The following DMD variants were observed in gnomAD, a reference collection of about 807,000 sequenced individuals.
The protein encoded by DMD is mutant dystrophin.
DMD carries 63 observed loss-of-function variants against 330.1 expected under a neutral mutation model. That is an observed-to-expected ratio of 0.19 (90% CI 0.16 to 0.24). The LOEUF (loss-of-function observed/expected upper bound fraction) is 0.24. Ranked by LOEUF, DMD falls within the 10% of genes least tolerant of loss-of-function variation. The pLI is 1.00. For missense variants in DMD, 3,344 were observed against 2,684.1 expected, an observed-to-expected ratio of 1.25 and a Z score of -5.43; for synonymous variants, 1,223 against 959.8, an observed-to-expected ratio of 1.27 and a Z score of -5.07.
At chrX:32,393,346 T>C (rs1006114539) in intron 30 of DMD, among the ~76,000 whole-genome samples, 2 of 111,240 alleles carry the variant, frequency 1.8e-5, no homozygotes, top group Non-Finnish European at 3.8e-5. Context: ...ATAAGGAGTT[T>C]GGCAAAATTT....
At chrX:32,637,410 A>G (rs778699448) in intron 11 of DMD, among the ~76,000 whole-genome samples, 3 of 112,040 alleles carry the variant, frequency 2.7e-5, no homozygotes, top group Non-Finnish European at 5.6e-5. Context: ...GTCAACTTCT[A>G]TTAAATCTGC....
At chrX:31,715,320 G>A (rs964556218) in intron 52 of DMD, among the ~76,000 whole-genome samples, 7 of 107,345 alleles carry the variant, frequency 6.5e-5, no homozygotes, top group South Asian at 4.2e-4. Context: ...CGAGACGGGC[G>A]GATCACGAGG....
chrX:32,100,304 A>G (rs1176664134), intron 44 of DMD, among the ~76,000 whole-genome samples: 1 of 109,061 alleles, frequency 9.2e-6, no homozygotes, highest in African/African-American at 3.3e-5. Flanking sequence ...AAAAGCTTTC[A>G]GATAGCCTAC....
intron 44 of DMD, among the ~76,000 whole-genome samples, chrX:32,165,164 G>T (rs2096863717): frequency 8.9e-6 from 1 of 112,322 alleles, no homozygotes; most frequent in Non-Finnish European, 1.9e-5. Flanking sequence ...GCTATGAGAA[G>T]AGGGCCACTG....
chrX:32,922,284 G>T (rs1371263882), intron 2 of DMD, among the ~76,000 whole-genome samples: 2 of 109,732 alleles, frequency 1.8e-5, no homozygotes, highest in African/African-American at 6.7e-5. Flanking sequence ...AAAAACAATT[G>T]TATTCTCAAA....
intron 67 of DMD, among the ~76,000 whole-genome samples, chrX:31,196,632 G>T (rs1212935766): frequency 9.2e-6 from 1 of 108,609 alleles, no homozygotes; most frequent in Non-Finnish European, 1.9e-5. Context: ...AGACCATCCT[G>T]GCCAACATGG....
At chrX:33,084,601 T>C (rs779723359) in intron 1 of DMD, among the ~76,000 whole-genome samples, 25 of 111,202 alleles carry the variant, frequency 2.2e-4, no homozygotes, top group Non-Finnish European at 4.5e-4. Context: ...AGTTTATTGA[T>C]ATGGGTAGTG....
At chrX:31,373,396 A>G (rs1368724570) in intron 60 of DMD, among the ~76,000 whole-genome samples, 1 of 95,191 alleles carries the variant, frequency 1.1e-5, no homozygotes, top group Non-Finnish European at 2.2e-5. Context: ...AGCTGGAGGC[A>G]TCACGCTACC....
chrX:32,465,985 T>A (rs946540940), intron 23 of DMD, among the ~76,000 whole-genome samples: 1 of 111,232 alleles, frequency 9.0e-6, no homozygotes, highest in African/African-American at 3.3e-5. Context: ...ATGCCAGTAA[T>A]CTCCTCTCCT....
intron 6 of DMD, among the ~76,000 whole-genome samples, chrX:32,809,934 AAAAAAAAAAAAAGAAAG>A (rs1315347869): frequency 3.1e-5 from 3 of 95,349 alleles, no homozygotes; most frequent in African/African-American, 1.2e-4. Flanking sequence ...AAAAAAAAAA[AAAAAAAAAAAAAGAAAG>A]AAAGAAAGAA....
At chrX:31,857,788 C>T (rs1331011615) in intron 48 of DMD, among the ~76,000 whole-genome samples, 2 of 109,162 alleles carry the variant, frequency 1.8e-5, no homozygotes, top group Non-Finnish European at 3.8e-5. Context: ...CAGATATATA[C>T]AGAGAAGTGT....
intron 60 of DMD, among the ~76,000 whole-genome samples, chrX:31,386,612 C>T (rs1009521807): frequency 8.9e-6 from 1 of 112,171 alleles, no homozygotes; most frequent in African/African-American, 3.2e-5. Context: ...TCTAATCCAT[C>T]TCTGTGTTTC....
At chrX:31,585,674 T>C (rs768980261) in intron 55 of DMD, among the ~76,000 whole-genome samples, 1 of 111,019 alleles carries the variant, frequency 9.0e-6, no homozygotes, top group African/African-American at 3.3e-5. Context: ...AAAATAAGTC[T>C]TTAGGCCTCA....
intron 16 of DMD, among the ~76,000 whole-genome samples, chrX:32,564,341 C>T (rs1165066717): frequency 9.0e-6 from 1 of 111,627 alleles, no homozygotes; most frequent in African/African-American, 3.3e-5. Context: ...TTTCTTAACA[C>T]GGCAACTGAC....
chrX:32,529,558 C>T (rs1404140243), intron 17 of DMD, among the ~76,000 whole-genome samples: 1 of 108,453 alleles, frequency 9.2e-6, no homozygotes, highest in Non-Finnish European at 1.9e-5. Context: ...TCTAAATTAA[C>T]TGAGACCTGT....
chrX:33,191,725 G>A (rs2050661863), intron 1 of DMD, among the ~76,000 whole-genome samples: 1 of 112,048 alleles, frequency 8.9e-6, no homozygotes, highest in African/African-American at 3.2e-5. Context: ...TGCCTGGCCT[G>A]CTTTATGGTT....
At chrX:31,525,781 T>C (rs1388939960) in intron 55 of DMD, among the ~76,000 whole-genome samples, 1 of 112,550 alleles carries the variant, frequency 8.9e-6, no homozygotes, top group Non-Finnish European at 1.9e-5. Context: ...AAATGCTACG[T>C]TCAATCTGTT....
chrX:33,120,515 C>T (rs746445144), intron 1 of DMD, among the ~76,000 whole-genome samples: 2 of 110,423 alleles, frequency 1.8e-5, no homozygotes, highest in Non-Finnish European at 3.8e-5. Flanking sequence ...AAGAAATATG[C>T]GGCAGAACAT....
At chrX:31,584,490 C>T (rs984681543) in intron 55 of DMD, among the ~76,000 whole-genome samples, 5 of 111,835 alleles carry the variant, frequency 4.5e-5, no homozygotes, top group African/African-American at 1.3e-4. Context: ...ATAAACCATT[C>T]TATTTTAAAG....
Sources: allele counts gnomAD v4.1 joint callset (sites outside exome capture counted in the v4.1 genomes callset), GRCh38; gene constraint gnomAD v4.1.1; transcripts MANE v1.5; gene names NCBI Gene and HGNC (gene_info 2026-07-23, HGNC 2026-07-21).